The following EIF2AK2 variants were observed in gnomAD, a reference collection of about 807,000 sequenced individuals.
The protein encoded by EIF2AK2 is interferon-induced, double-stranded RNA-activated protein kinase.
In EIF2AK2, 40 loss-of-function variants were observed where a neutral mutation model predicts 70.5. The observed-to-expected ratio is 0.57, with a 90% CI of 0.44 to 0.74. EIF2AK2 has a LOEUF of 0.74. Ranked by LOEUF, EIF2AK2 falls within the 30% of genes least tolerant of loss-of-function variation. The probability of loss-of-function intolerance (pLI) is 0.00; values close to 1 mark genes in which losing one functional copy is unlikely to be tolerated. For missense variants in EIF2AK2, 555 were observed against 644.3 expected (o/e 0.86, Z 1.50); for synonymous variants, 198 against 220.9 (o/e 0.90, Z 0.92).
chr2:37,136,840 T>C (rs1675143968), intron 9 of EIF2AK2, 143 bp downstream of exon 9: 11 of 698,662 alleles, frequency 1.6e-5, no homozygotes, highest in Non-Finnish European at 2.5e-5. Context: ...CATCTAAAAT[T>C]ATTTGTTTAT....
At chr2:37,114,649 A>T in intron 14 of EIF2AK2, 82 bp downstream of exon 14, 1 of 1,284,278 alleles carries the variant, frequency 7.8e-7, no homozygotes, top group Non-Finnish European at 1.0e-6. Flanking sequence ...GTACAGTTTT[A>T]ATTATATAAG....
Position 37,114,864 on chromosome 2 carries a change from G to GAA in EIF2AK2, c.1249-7_1249-6dup. 5.1e-5 allele frequency: 69 copies of GAA among 1,357,124 alleles called. No individual in the cohort carries two copies. The highest frequency in any genetic ancestry group is 1.7e-4 in the South Asian group (12 of 69,188). The allele number at this position is 1,357,124 out of a possible 1,614,324, so 84.1% of individuals were successfully genotyped here. A position where few individuals can be genotyped will look rare whatever the true frequency, so the allele number is the denominator to read the frequency against. On this transcript the variant is annotated splice_polypyrimidine_tract_variant and splice_region_variant and intron_variant, in intron 13 of 16. Coordinates refer to ENST00000233057, the MANE Select transcript of EIF2AK2 (RefSeq NM_001135651.3). ...TACTAAGAATATATTACTTGGCTAT[G>GAA]AAAAAAAAAAATTTAACTTACATGT...
Position 37,127,121 on chromosome 2 carries a change from G to A in EIF2AK2, c.786-710C>T, listed in dbSNP as rs1674769044. Among the ~76,000 whole-genome samples, 4 of 151,944 alleles carry A rather than the reference G, an allele frequency of 2.6e-5. No homozygotes were observed. The South Asian group carries it at 8.3e-4, about 32-fold the overall frequency. On this transcript the variant is annotated intron_variant, in intron 10 of 16. Transcript: ENST00000233057. ...GGGCATACGCTCTAAGCCTGCCTAG[G>A]TTTCTACTTGGTTTTCTCTTCTCCC...
At chr2:37,142,630 T>C (rs1419322648) in intron 4 of EIF2AK2, among the ~76,000 whole-genome samples, 3 of 152,112 alleles carry the variant, frequency 2.0e-5, no homozygotes, top group African/African-American at 7.2e-5. Flanking sequence ...AATTATACTT[T>C]GCACTTTTGC....
chr2:37,104,329 A>G lies in EIF2AK2; in HGVS notation c.*2944T>C, dbSNP rs984078487. 1 of 151,564 alleles carries G rather than the reference A, an allele frequency of 6.6e-6. No individual in the cohort carries two copies. Among genetic ancestry groups the G allele is most frequent in the Non-Finnish European group, 1.5e-5 (1 of 67,924 alleles). 9.4% of individuals were successfully genotyped at this position (151,564 alleles called of 1,614,324 possible). Reference sequence around the variant, plus strand: ...TGGGTTGTTGCTTTCTTTTATTATTATTATTATTTAGATATGATCTCACTC... The same window carrying G: ...TGGGTTGTTGCTTTCTTTTATTATTGTTATTATTTAGATATGATCTCACTC... On this transcript the variant is annotated 3_prime_UTR_variant, in exon 17 of 17. Coordinates refer to ENST00000233057, the MANE Select transcript of EIF2AK2 (RefSeq NM_001135651.3).
chr2:37,147,978 T>A (rs2148713119), intron 2 of EIF2AK2, among the ~76,000 whole-genome samples, 156 bp from the exon 3 acceptor site: 1 of 152,300 alleles, frequency 6.6e-6, no homozygotes, highest in Non-Finnish European at 1.5e-5. Context: ...TTCAAAACCG[T>A]TCTTTCTTTC....
At chr2:37,145,418 CA>C (rs1253723872) in intron 4 of EIF2AK2, among the ~76,000 whole-genome samples, 1 of 152,184 alleles carries the variant, frequency 6.6e-6, no homozygotes, top group Non-Finnish European at 1.5e-5. Context: ...GCCAGGATTA[CA>C]GGCATGAGCC....
At chr2:37,140,260 A>T (rs1675282442) in intron 5 of EIF2AK2, among the ~76,000 whole-genome samples, 1 of 152,196 alleles carries the variant, frequency 6.6e-6, no homozygotes, top group Admixed American at 6.5e-5. Flanking sequence ...GTGCACAAAA[A>T]TTTGAGAAAA....
At chr2:37,151,172 T>C (rs1469266257) in intron 1 of EIF2AK2, among the ~76,000 whole-genome samples, 1 of 152,072 alleles carries the variant, frequency 6.6e-6, no homozygotes, top group Non-Finnish European at 1.5e-5. Flanking sequence ...ATCTACAGAA[T>C]AGAATATTTA....
chr2:37,110,105 G>A (rs1244927311), intron 14 of EIF2AK2, among the ~76,000 whole-genome samples: 1 of 150,186 alleles, frequency 6.7e-6, no homozygotes, highest in African/African-American at 2.5e-5. Flanking sequence ...ACGGAGTCCC[G>A]CTGTCACCAG....
At chr2:37,153,204 C>T (rs1462644980) in intron 1 of EIF2AK2, among the ~76,000 whole-genome samples, 1 of 152,100 alleles carries the variant, frequency 6.6e-6, no homozygotes, top group Non-Finnish European at 1.5e-5. Context: ...TAATTCCCTG[C>T]CTTTAAGTAC....
intron 14 of EIF2AK2, among the ~76,000 whole-genome samples, chr2:37,112,644 A>G (rs1242713528): frequency 1.3e-5 from 2 of 152,264 alleles, no homozygotes; most frequent in African/African-American, 4.8e-5. Flanking sequence ...TAAATAGCAT[A>G]ATATTAAAGA....
chr2:37,126,143 C>G, intron 11 of EIF2AK2, 146 bp downstream of exon 11: 1 of 1,109,108 alleles, frequency 9.0e-7, no homozygotes, highest in Non-Finnish European at 1.2e-6. Context: ...CGGAGTAAGC[C>G]AAACTCCTCT....
chr2:37,111,786 A>T (rs1474096319), intron 14 of EIF2AK2, among the ~76,000 whole-genome samples: 2 of 143,356 alleles, frequency 1.4e-5, no homozygotes, highest in African/African-American at 2.6e-5. Context: ...TGAGCCAAGG[A>T]GGTCGAGGCT....
chr2:37,122,400 G>C, intron 12 of EIF2AK2, 106 bp downstream of exon 12: 1 of 1,218,014 alleles, frequency 8.2e-7, no homozygotes, highest in Non-Finnish European at 1.1e-6. Flanking sequence ...AGAGGGAATT[G>C]TGATAATTAA....
chr2:37,155,017 A>C (rs1325313266), intron 1 of EIF2AK2, among the ~76,000 whole-genome samples: 1 of 150,198 alleles, frequency 6.7e-6, no homozygotes, highest in Non-Finnish European at 1.5e-5. Flanking sequence ...CGGTCCTTAG[A>C]CTTGCTCTTT....
intron 13 of EIF2AK2, among the ~76,000 whole-genome samples, chr2:37,116,863 A>C (rs1381302673): frequency 6.6e-6 from 1 of 152,186 alleles, no homozygotes; most frequent in Non-Finnish European, 1.5e-5. Flanking sequence ...GTAAATATCT[A>C]AGCTGGATGA....
intron 14 of EIF2AK2, among the ~76,000 whole-genome samples, chr2:37,113,070 AAAC>A (rs1257202165): frequency 1.3e-5 from 2 of 152,258 alleles, no homozygotes; most frequent in Non-Finnish European, 2.9e-5. Flanking sequence ...TCTCATACAT[AAAC>A]AAAAGTTAAT....
chr2:37,153,119 T>C (rs2148719185), intron 1 of EIF2AK2, among the ~76,000 whole-genome samples: 1 of 120,466 alleles, frequency 8.3e-6, no homozygotes, highest in Admixed American at 8.1e-5. Context: ...CCTGCAACCA[T>C]TGTGATTTTT....
Sources: allele counts gnomAD v4.1 joint callset (sites outside exome capture counted in the v4.1 genomes callset), GRCh38; gene constraint gnomAD v4.1.1; transcripts MANE v1.5; gene names NCBI Gene and HGNC (gene_info 2026-07-23, HGNC 2026-07-21).